GNAZ: variants seen among roughly 807,000 people sequenced by gnomAD.
GNAZ encodes the protein guanine nucleotide-binding protein G(z) subunit alpha.
In GNAZ, 3 loss-of-function variants were observed where a neutral mutation model predicts 25.4. That is an observed-to-expected ratio of 0.12 (90% CI 0.05 to 0.30). The LOEUF is 0.30. Ranked by LOEUF, GNAZ falls within the 10% of genes least tolerant of loss-of-function variation. The probability of loss-of-function intolerance (pLI) is 1.00; values close to 1 mark genes in which losing one functional copy is unlikely to be tolerated. For synonymous variants in GNAZ, 211 were observed against 205.7 expected (o/e 1.03, Z -0.22); for missense variants, 241 against 501.8 (o/e 0.48, Z 4.97).
At chr22:23,110,140 G>A (rs1029870292) in intron 2 of GNAZ, among the ~76,000 whole-genome samples, 3 of 152,352 alleles carry the variant, frequency 2.0e-5, no homozygotes, top group African/African-American at 7.2e-5. Context: ...CCAGGCCTGA[G>A]GGGTGGTTCG....
At chr22:23,092,367 G>T (rs573821215) in intron 1 of GNAZ, among the ~76,000 whole-genome samples, 1 of 152,242 alleles carries the variant, frequency 6.6e-6, no homozygotes, top group South Asian at 2.1e-4. Flanking sequence ...CCCATGCGTG[G>T]TGCCCCTGCA....
At chr22:23,086,402 C>T (rs920891974) in intron 1 of GNAZ, among the ~76,000 whole-genome samples, 7 of 152,242 alleles carry the variant, frequency 4.6e-5, no homozygotes, top group Non-Finnish European at 1.0e-4. Flanking sequence ...GCAAAGCACT[C>T]GGCCCAGCAG....
chr22:23,077,940 T>C (rs1337311387), intron 1 of GNAZ, among the ~76,000 whole-genome samples: 2 of 152,136 alleles, frequency 1.3e-5, no homozygotes. Context: ...GAGGAGCAAC[T>C]CCACCATGAG....
intron 2 of GNAZ, among the ~76,000 whole-genome samples, chr22:23,107,728 T>C (rs2069524874): frequency 6.6e-6 from 1 of 151,820 alleles, no homozygotes; most frequent in African/African-American, 2.4e-5. Flanking sequence ...CCCCAGGGGG[T>C]TGGCCGCAGG....
rs1601793391 is a variant in GNAZ at position 23,096,188 on chromosome 22, G to A, written c.493G>A (p.Ala165Thr). Residue 165 changes from alanine (A) to threonine (T), a missense_variant, in exon 2 of 3, where the codon GCA becomes ACA. Coordinates refer to ENST00000615612, the MANE Select transcript of GNAZ (RefSeq NM_002073.4). ...CCTGAACGACCTGGAGCGCATCGCCGCAGCTGACTATATCCCCACTGTCGA... is the reference window on the plus strand; with the variant it reads ...CCTGAACGACCTGGAGCGCATCGCCACAGCTGACTATATCCCCACTGTCGA... ...YYLNDLERIA[A>T]ADYIPTVEDI... 10 of 1,613,200 alleles carry A rather than the reference G, an allele frequency of 6.2e-6. No individual in the cohort carries two copies. Among genetic ancestry groups the A allele is most frequent in the African/African-American group, 5.3e-5 (4 of 74,938 alleles).
rs745656122 is a variant in GNAZ at position 23,077,107 on chromosome 22, C to T, written c.-450+6537C>T. ...CATGGTCGATTAGTGATGTCTGCAG[C>T]GGGCACGGGAGGCAGGATTTAGATG... On this transcript the variant is annotated intron_variant, in intron 1 of 2. Transcript: ENST00000615612. 4.9e-4 allele frequency among the ~76,000 whole-genome samples: 74 copies of T among 152,226 alleles called. 1 individual carries two copies. Among genetic ancestry groups the T allele is most frequent in the Admixed American group, 9.2e-4 (14 of 15,288 alleles).
At chr22:23,118,758 G>A (rs1452381617) in intron 2 of GNAZ, among the ~76,000 whole-genome samples, 1 of 152,204 alleles carries the variant, frequency 6.6e-6, no homozygotes, top group African/African-American at 2.4e-5. Flanking sequence ...ATGGGGCAGG[G>A]CCACATGACT....
At chr22:23,077,357 G>T (rs1182436729) in intron 1 of GNAZ, among the ~76,000 whole-genome samples, 2 of 152,118 alleles carry the variant, frequency 1.3e-5, no homozygotes, top group Admixed American at 1.3e-4. Context: ...TGACCTCAGG[G>T]TCCAACCCCA....
chr22:23,086,261 G>A (rs1027315212), intron 1 of GNAZ, among the ~76,000 whole-genome samples: 9 of 152,254 alleles, frequency 5.9e-5, no homozygotes, highest in Admixed American at 5.9e-4. Context: ...GGGCTTGGTG[G>A]GAGCAGAGGC....
intron 2 of GNAZ, among the ~76,000 whole-genome samples, chr22:23,114,372 G>A (rs1201883163): frequency 6.6e-6 from 1 of 152,192 alleles, no homozygotes; most frequent in African/African-American, 2.4e-5. Context: ...TGAGGCCCAG[G>A]GTGGGACAGA....
Position 23,095,558 on chromosome 22 carries a change from C to T in GNAZ, c.-138C>T. The T allele has an allele frequency of 1.1e-6, 1 of 926,338 alleles. No individual in the cohort carries two copies. Among genetic ancestry groups the T allele is most frequent in the Non-Finnish European group, 1.6e-6 (1 of 625,096 alleles). 57.4% of individuals were successfully genotyped at this position (926,338 alleles called of 1,614,324 possible). On this transcript the variant is annotated 5_prime_UTR_variant, in exon 2 of 3. Transcript: ENST00000615612. ...CGCTGGGGCAGGGGCTGCAGTGTGG[C>T]TCGGCCTCACCCCCCTGCTGGCACT...
At chr22:23,102,322 G>A (rs1220362836) in intron 2 of GNAZ, among the ~76,000 whole-genome samples, 2 of 152,218 alleles carry the variant, frequency 1.3e-5, no homozygotes, top group East Asian at 3.9e-4. Context: ...GCAGGGAGGG[G>A]TGGAGAAGGC....
intron 1 of GNAZ, among the ~76,000 whole-genome samples, chr22:23,077,088 C>T (rs982250399): frequency 6.6e-6 from 1 of 152,072 alleles, no homozygotes; most frequent in East Asian, 1.9e-4. Flanking sequence ...GAGTCATGGT[C>T]GATTAGTGAT....
chr22:23,080,498 C>T (rs1000501759), intron 1 of GNAZ, among the ~76,000 whole-genome samples: 3 of 152,296 alleles, frequency 2.0e-5, no homozygotes, highest in African/African-American at 4.8e-5. Flanking sequence ...CCCATCTGCT[C>T]GGACTATGGC....
intron 2 of GNAZ, among the ~76,000 whole-genome samples, chr22:23,119,645 G>C (rs1472414088): frequency 6.6e-6 from 1 of 152,220 alleles, no homozygotes; most frequent in East Asian, 1.9e-4. Flanking sequence ...CTCCTACTAG[G>C]GTGGAGCCCA....
At chr22:23,108,561 A>G (rs2146354064) in intron 2 of GNAZ, among the ~76,000 whole-genome samples, 1 of 152,364 alleles carries the variant, frequency 6.6e-6, no homozygotes, top group South Asian at 2.1e-4. Flanking sequence ...GCAACCCCAG[A>G]GCAGAAGCAG....
At chr22:23,110,301 G>A (rs527881448) in intron 2 of GNAZ, among the ~76,000 whole-genome samples, 26 of 152,268 alleles carry the variant, frequency 1.7e-4, no homozygotes, top group Admixed American at 7.2e-4. Context: ...GTCACTTCTC[G>A]GAGGTGAACA....
intron 1 of GNAZ, among the ~76,000 whole-genome samples, chr22:23,079,156 G>A (rs886325090): frequency 2.0e-5 from 3 of 152,224 alleles, no homozygotes; most frequent in South Asian, 2.1e-4. Flanking sequence ...AGAGGTGGGC[G>A]ATAAACACTC....
intron 1 of GNAZ, among the ~76,000 whole-genome samples, chr22:23,080,554 T>C (rs2068647832): frequency 6.6e-6 from 1 of 152,214 alleles, no homozygotes; most frequent in Non-Finnish European, 1.5e-5. Context: ...AAGGAGGACC[T>C]GTTTCTAAGG....
Sources: allele counts gnomAD v4.1 joint callset (sites outside exome capture counted in the v4.1 genomes callset), GRCh38; gene constraint gnomAD v4.1.1; transcripts MANE v1.5; gene names NCBI Gene and HGNC (gene_info 2026-07-23, HGNC 2026-07-21).